Variants in AFAP1L2 observed in about 807,000 individuals in gnomAD.
AFAP1L2 encodes actin filament-associated protein 1-like 2.
AFAP1L2 carries 46 observed loss-of-function variants against 99.3 expected under a neutral mutation model. The ratio of observed to expected loss-of-function variants is 0.46; its 90% CI spans 0.37 to 0.59. The LOEUF (loss-of-function observed/expected upper bound fraction) is 0.59, where lower values mean the gene tolerates loss of function less well. Among genes scored for constraint, AFAP1L2 ranks in the 20% least tolerant of loss-of-function variants. The pLI is 0.00. For synonymous variants in AFAP1L2, 397 were observed against 419.1 expected, an observed-to-expected ratio of 0.95 and a Z score of 0.64; for missense variants, 959 against 1,034.9, an observed-to-expected ratio of 0.93 and a Z score of 1.01.
At chr10:114,311,129 G>A (rs1318498971) in intron 7 of AFAP1L2, among the ~76,000 whole-genome samples, 3 of 152,200 alleles carry the variant, frequency 2.0e-5, no homozygotes, top group East Asian at 1.9e-4. Flanking sequence ...GGAAGAGGGC[G>A]TGAGACTCTG....
intron 4 of AFAP1L2, among the ~76,000 whole-genome samples, chr10:114,326,306 T>C (rs767065266): frequency 6.6e-6 from 1 of 152,224 alleles, no homozygotes; most frequent in African/African-American, 2.4e-5. Flanking sequence ...TGGGGGCAAC[T>C]GTTTAAAGGC....
At chr10:114,330,725 C>T (rs2047110314) in intron 4 of AFAP1L2, among the ~76,000 whole-genome samples, 1 of 152,230 alleles carries the variant, frequency 6.6e-6, no homozygotes, top group Non-Finnish European at 1.5e-5. Flanking sequence ...GATTTTACAA[C>T]TCCATCCACA....
intron 4 of AFAP1L2, among the ~76,000 whole-genome samples, chr10:114,329,565 G>A (rs2046938738): frequency 6.6e-6 from 1 of 152,172 alleles, no homozygotes. Context: ...AAAAGTTCCA[G>A]CCGTGGCTCA....
At chr10:114,343,910 C>G (rs903935579) in intron 1 of AFAP1L2, among the ~76,000 whole-genome samples, 1 of 152,166 alleles carries the variant, frequency 6.6e-6, no homozygotes, top group Non-Finnish European at 1.5e-5. Context: ...GCTGCTGGGC[C>G]TGGATGACTG....
chr10:114,354,546 G>C (rs562867798), intron 1 of AFAP1L2, among the ~76,000 whole-genome samples: 1 of 152,314 alleles, frequency 6.6e-6, no homozygotes, highest in South Asian at 2.1e-4. Context: ...CATAGGAGAA[G>C]GGGATGTAGT....
chr10:114,387,360 T>C (rs2056629360), intron 1 of AFAP1L2, among the ~76,000 whole-genome samples: 1 of 152,212 alleles, frequency 6.6e-6, no homozygotes, highest in South Asian at 2.1e-4. Flanking sequence ...TTTTCCACAC[T>C]GATGGGGTCA....
intron 4 of AFAP1L2, among the ~76,000 whole-genome samples, chr10:114,330,938 G>A (rs1396730525): frequency 6.6e-6 from 1 of 152,190 alleles, no homozygotes; most frequent in Non-Finnish European, 1.5e-5. Flanking sequence ...GGGGAGGGAT[G>A]CCTTACTTAG....
At chr10:114,385,275 G>T (rs1038594667) in intron 1 of AFAP1L2, among the ~76,000 whole-genome samples, 2 of 152,140 alleles carry the variant, frequency 1.3e-5, no homozygotes, top group East Asian at 1.9e-4. Context: ...ATCAGGCCAG[G>T]GATCTCTTCA....
At chr10:114,296,936 C>T in intron 18 of AFAP1L2, 42 bp downstream of exon 18, 3 of 1,613,684 alleles carry the variant, frequency 1.9e-6, no homozygotes, top group Admixed American at 3.3e-5. Context: ...ACCTTAGTGA[C>T]ATTTCTGCTG....
At chr10:114,327,351 G>A (rs551553672) in intron 4 of AFAP1L2, among the ~76,000 whole-genome samples, 4 of 150,750 alleles carry the variant, frequency 2.7e-5, no homozygotes, top group African/African-American at 7.3e-5. Context: ...CGTGGTTTTC[G>A]CCATGTTGGC....
downstream of AFAP1L2, among the ~76,000 whole-genome samples, chr10:114,290,668 C>T (rs908304414): frequency 4.6e-5 from 7 of 152,004 alleles, no homozygotes; most frequent in South Asian, 6.2e-4. Flanking sequence ...CTAAGCACCC[C>T]GGAGAAAGTC....
chr10:114,339,854 A>G (rs114859245), intron 2 of AFAP1L2, among the ~76,000 whole-genome samples: 1,697 of 151,872 alleles, frequency 0.011, 34 homozygotes, highest in African/African-American at 0.039. Flanking sequence ...TCTACTAAAA[A>G]TACACAATTA....
rs2048681787 is a variant in AFAP1L2, at chr10:114,340,618, A to G, written c.130T>C (p.Tyr44His). The change falls in exon 2 of 19, where the codon TAC becomes CAC. Residue 44 changes from tyrosine (Y) to histidine (H), a missense_variant. By Grantham distance (83) the Tyr-to-His change is moderately conservative (BLOSUM62 2). Transcript: ENST00000304129. ...CCACACTCACTGCTGCTTTTGGTGT[A>G]AAGCCGGAGGAGCTCCGCCAGGCAG... is the stretch of plus-strand genomic sequence containing the variant. ...KSCLAELLRLYTKSSSSDEEY... is the reference protein window; with the variant it reads ...KSCLAELLRLHTKSSSSDEEY... 6.2e-7 allele frequency: 1 copy of G among 1,613,996 alleles called. No individual in the cohort carries two copies. Among genetic ancestry groups the G allele is most frequent in the Non-Finnish European group, 8.5e-7 (1 of 1,180,002 alleles).
chr10:114,350,545 T>A (rs1050728016), intron 1 of AFAP1L2, among the ~76,000 whole-genome samples: 1 of 152,114 alleles, frequency 6.6e-6, no homozygotes, highest in Non-Finnish European at 1.5e-5. Context: ...CGAAACCTCC[T>A]CCTATTTAAA....
intron 1 of AFAP1L2, among the ~76,000 whole-genome samples, chr10:114,349,162 G>C (rs1351084995): frequency 1.2e-4 from 18 of 152,020 alleles, no homozygotes; most frequent in Non-Finnish European, 2.2e-4. Flanking sequence ...TGGATCACTT[G>C]AGGTCAAGGG....
chr10:114,289,643 A>G, the AFAP1L2 span: 1 of 804,582 alleles, frequency 1.2e-6, no homozygotes, highest in Non-Finnish European at 2.0e-6. Flanking sequence ...ATGCTCACAT[A>G]AAATCCTACA....
At position 114,360,284 on chromosome 10, in the gene AFAP1L2, G is replaced by A. The variant is rs147264324; in HGVS notation, c.17-19553C>T. Among the ~76,000 whole-genome samples the A allele has an allele frequency of 3.1e-4, 47 of 152,242 alleles. No homozygotes were observed. The East Asian group carries it at 8.3e-3, about 27-fold the overall frequency. Reference sequence around the variant, plus strand: ...TTGGCTCTTCTTGGGTCTCAAACCTGCAGGCTTTCAGACTGGAACTCTGAT... The same window carrying A: ...TTGGCTCTTCTTGGGTCTCAAACCTACAGGCTTTCAGACTGGAACTCTGAT... On this transcript the variant is annotated intron_variant, in intron 1 of 18. Transcript: ENST00000304129.
the AFAP1L2 span, among the ~76,000 whole-genome samples, chr10:114,285,150 TA>T: frequency 6.6e-6 from 1 of 152,218 alleles, no homozygotes; most frequent in Non-Finnish European, 1.5e-5. Context: ...CGTGAGTAGA[TA>T]ATTGGGGTGG....
At chr10:114,360,502 TAGATAGTTAGA>T (rs2052142345) in intron 1 of AFAP1L2, among the ~76,000 whole-genome samples, 1 of 110,952 alleles carries the variant, frequency 9.0e-6, no homozygotes, top group East Asian at 2.6e-4. Context: ...GATAGATAGA[TAGATAGTTAGA>T]TAGATAGATA....
Sources: allele counts gnomAD v4.1 joint callset (sites outside exome capture counted in the v4.1 genomes callset), GRCh38; gene constraint gnomAD v4.1.1; transcripts MANE v1.5; gene names NCBI Gene and HGNC (gene_info 2026-07-23, HGNC 2026-07-21).